Variants in INPP4B observed in about 807,000 individuals in gnomAD.
INPP4B encodes inositol polyphosphate-4-phosphatase type II B.
A neutral mutation model predicts 122.5 loss-of-function variants in INPP4B; 55 were observed. That is an observed-to-expected ratio of 0.45 (90% confidence interval 0.36 to 0.56). The LOEUF is 0.56. Among genes scored for constraint, INPP4B ranks in the 20% least tolerant of loss-of-function variants. The pLI is 0.00. For missense variants in INPP4B, 1,000 were observed against 1,097.7 expected, an observed-to-expected ratio of 0.91 and a Z score of 1.26; for synonymous variants, 403 against 388.7, an observed-to-expected ratio of 1.04 and a Z score of -0.43.
chr4:142,257,821 A>G (rs1442137512), intron 11 of INPP4B, among the ~76,000 whole-genome samples: 19 of 151,656 alleles, frequency 1.3e-4, no homozygotes, highest in Admixed American at 1.1e-3. Context: ...CAAGCTACAA[A>G]TGACTTTCTT....
chr4:142,657,164 T>C (rs553334981), intron 2 of INPP4B, among the ~76,000 whole-genome samples: 407 of 152,236 alleles, frequency 2.7e-3, no homozygotes, highest in African/African-American at 9.2e-3. Flanking sequence ...CTCTAATTAA[T>C]TTGGCCTAAA....
Position 142,158,548 on chromosome 4 carries a change from C to T in INPP4B, c.1563+1810G>A, listed in dbSNP as rs141680757. Among the ~76,000 whole-genome samples the T allele has an allele frequency of 3.2e-3, 483 of 152,200 alleles. 7 individuals are homozygous for T. The highest frequency in any genetic ancestry group is 9.7e-3 in the African/African-American group (405 of 41,540). ...TTGCCCATCATAAGACAGTTCTGGA[C>T]GTAAAATTTTGAGTTGAAGTCATAT... On this transcript the variant is annotated intron_variant, in intron 17 of 25. Transcript: ENST00000262992.
chr4:142,599,075 A>T (rs1580464677), intron 2 of INPP4B, among the ~76,000 whole-genome samples: 1 of 152,114 alleles, frequency 6.6e-6, no homozygotes, highest in Admixed American at 6.5e-5. Flanking sequence ...GTGACGCCAT[A>T]CCACAGCCAC....
At chr4:142,410,947 C>A (rs1435646478) in intron 5 of INPP4B, among the ~76,000 whole-genome samples, 3 of 152,066 alleles carry the variant, frequency 2.0e-5, no homozygotes, top group Non-Finnish European at 4.4e-5. Context: ...TCAATAAAAG[C>A]ATTTGTTAAA....
At chr4:142,035,445 C>T (rs774660736) in intron 25 of INPP4B, among the ~76,000 whole-genome samples, 8 of 152,126 alleles carry the variant, frequency 5.3e-5, no homozygotes, top group Non-Finnish European at 5.9e-5. Context: ...ATCTTTTTAA[C>T]TAGATAAAGA....
chr4:142,709,798 G>A (rs1762895117), intron 2 of INPP4B, among the ~76,000 whole-genome samples: 1 of 152,212 alleles, frequency 6.6e-6, no homozygotes, highest in South Asian at 2.1e-4. Flanking sequence ...GTCTCAGAGG[G>A]GAAATTGTCC....
At position 142,846,005 on chromosome 4, in the gene INPP4B, AC is replaced by A. The variant is rs1354197404; in HGVS notation, c.-254+203del. On this transcript the variant is annotated intron_variant, in intron 1 of 25. Transcript: ENST00000262992. This position sits in a 1 kb window ranked among gnomAD's most constrained non-coding sequence, Gnocchi z 5.1. ...CCCAGCAGCCGAGGAGAGACAGCCC[AC>A]CCCACCCTTTAAGCTAAAGAGCTGG... 6.6e-6 allele frequency among the ~76,000 whole-genome samples: 1 copy of A among 151,770 alleles called. No homozygotes were observed. Among genetic ancestry groups the A allele is most frequent in the Non-Finnish European group, 1.5e-5 (1 of 67,940 alleles).
At chr4:142,310,654 C>T (rs1345206449) in intron 8 of INPP4B, among the ~76,000 whole-genome samples, 1 of 149,546 alleles carries the variant, frequency 6.7e-6, no homozygotes, top group Non-Finnish European at 1.5e-5. Flanking sequence ...AACTCACAGG[C>T]AGGCCTTTTC....
chr4:142,123,433 A>G lies in INPP4B; in HGVS notation c.1894-18T>C. On this transcript the variant is annotated intron_variant, in intron 19 of 25. Transcript: ENST00000262992. The stretch of plus-strand genomic sequence containing the variant: ...CCAGCAAGCTGAAAAAAAAATATTG[A>G]TGAGATTTACTGCAGTTAGCAAACG... The G allele has an allele frequency of 6.2e-7, 1 of 1,608,024 alleles. No individual in the cohort carries two copies. The highest frequency in any genetic ancestry group is 1.3e-5 in the African/African-American group (1 of 74,782).
At chr4:142,791,067 T>A (rs1399341327) in intron 1 of INPP4B, among the ~76,000 whole-genome samples, 2 of 152,142 alleles carry the variant, frequency 1.3e-5, no homozygotes, top group African/African-American at 4.8e-5. Flanking sequence ...TGTTTTCACA[T>A]ACATTATTAT....
At chr4:142,267,527 T>C (rs1332623498) in intron 10 of INPP4B, among the ~76,000 whole-genome samples, 1 of 152,108 alleles carries the variant, frequency 6.6e-6, no homozygotes, top group Non-Finnish European at 1.5e-5. Flanking sequence ...AAAAATAAAA[T>C]TGGACCCTTA....
intron 2 of INPP4B, among the ~76,000 whole-genome samples, chr4:142,469,777 G>A (rs1818472759): frequency 6.6e-6 from 1 of 152,058 alleles, no homozygotes; most frequent in Non-Finnish European, 1.5e-5. Context: ...TCCTTCAGAT[G>A]TCTGGTGGGG....
At chr4:142,528,282 T>C (rs368688997) in intron 2 of INPP4B, among the ~76,000 whole-genome samples, 2 of 152,096 alleles carry the variant, frequency 1.3e-5, no homozygotes, top group East Asian at 1.9e-4. Flanking sequence ...ACACTTCTTA[T>C]CTGGCTCAAG....
chr4:142,122,365 G>C, intron 20 of INPP4B, 120 bp from the exon 21 acceptor site: 1 of 756,152 alleles, frequency 1.3e-6, no homozygotes. Context: ...TGAATGCAGT[G>C]AACCTACTCT....
chr4:142,369,463 G>A (rs746595117), intron 7 of INPP4B, among the ~76,000 whole-genome samples: 4 of 151,632 alleles, frequency 2.6e-5, no homozygotes, highest in African/African-American at 4.8e-5. Flanking sequence ...GTAGTCCCCC[G>A]CTACTTGGGA....
chr4:142,087,391 T>C (rs922690698), intron 23 of INPP4B, among the ~76,000 whole-genome samples: 1 of 152,200 alleles, frequency 6.6e-6, no homozygotes, highest in African/African-American at 2.4e-5. Context: ...ATACACTTTA[T>C]ACTAAAAACG....
At chr4:142,460,462 A>G (rs976903471) in intron 3 of INPP4B, among the ~76,000 whole-genome samples, 2 of 152,286 alleles carry the variant, frequency 1.3e-5, no homozygotes, top group South Asian at 2.1e-4. Flanking sequence ...TGATTATTCA[A>G]TCCGGCTGGA....
At chr4:142,047,600 C>A (rs923529502) in intron 25 of INPP4B, among the ~76,000 whole-genome samples, 4 of 151,902 alleles carry the variant, frequency 2.6e-5, no homozygotes, top group African/African-American at 9.7e-5. Flanking sequence ...ATGTGCAGAA[C>A]AATTAGATTA....
intron 23 of INPP4B, among the ~76,000 whole-genome samples, chr4:142,096,978 G>A (rs1485424645): frequency 2.0e-5 from 3 of 151,814 alleles, no homozygotes; most frequent in Non-Finnish European, 2.9e-5. Flanking sequence ...GGTTGGACTA[G>A]GTCAGTATTT....
Sources: gnomAD v4.1 joint callset for allele counts (sites outside exome capture counted in the v4.1 genomes callset) on GRCh38, gnomAD v4.1.1 for gene constraint, Gnocchi (gnomAD v3.1) non-coding constraint, MANE v1.5 for transcripts, NCBI Gene and HGNC (gene_info 2026-07-23, HGNC 2026-07-21) for gene names.